PDE10A: variants seen among roughly 807,000 people sequenced by gnomAD.
The protein encoded by PDE10A is phosphodiesterase 10A, also known as cAMP and cAMP-inhibited cGMP 3',5'-cyclic phosphodiesterase 10A.
In PDE10A, 39 loss-of-function variants were observed where a neutral mutation model predicts 97.7. The observed-to-expected ratio is 0.40, with a 90% CI of 0.31 to 0.52. The LOEUF is 0.52. PDE10A is among the 20% of genes least tolerant of loss of function. The probability of loss-of-function intolerance (pLI) is 0.56; values close to 1 mark genes in which losing one functional copy is unlikely to be tolerated. For missense variants in PDE10A, 731 were observed against 1,047.8 expected (o/e 0.70, Z 4.17); for synonymous variants, 371 against 376.8 (o/e 0.98, Z 0.18).
At chr6:165,352,376 G>A (rs487489) in intron 18 of PDE10A, among the ~76,000 whole-genome samples, 70,700 of 151,826 alleles carry the variant, frequency 0.47, 17,302 homozygotes, top group African/African-American at 0.63. Context: ...CTGTGTTTTA[G>A]TATTAATTTT....
intron 1 of PDE10A, among the ~76,000 whole-genome samples, chr6:165,637,787 G>A (rs1056760277): frequency 6.6e-6 from 1 of 152,178 alleles, no homozygotes; most frequent in African/African-American, 2.4e-5. Context: ...AAGACTTTAC[G>A]GAGCTATCAC....
intron 1 of PDE10A, among the ~76,000 whole-genome samples, chr6:165,839,896 T>TCCTCATCCCCATCCTCTCTCCAATTCA (rs1562762551): frequency 6.6e-6 from 1 of 151,390 alleles, no homozygotes; most frequent in Admixed American, 6.6e-5. Context: ...TCCATCCCCA[T>TCCTCATCCCCATCCTCTCTCCAATTCA]TCCCATCTCC....
At chr6:165,386,852 A>T (rs1274674998) in intron 17 of PDE10A, among the ~76,000 whole-genome samples, 5 of 114,518 alleles carry the variant, frequency 4.4e-5, no homozygotes, top group African/African-American at 1.6e-4. Flanking sequence ...AAAAAAAAAA[A>T]TACAAAAAAA....
chr6:165,975,723 A>G (rs974803136), intron 1 of PDE10A, among the ~76,000 whole-genome samples: 10 of 152,262 alleles, frequency 6.6e-5, no homozygotes, highest in African/African-American at 2.4e-4. Flanking sequence ...CTGAGACACC[A>G]TGTGTCCAGC....
At position 165,525,344 on chromosome 6, in the gene PDE10A, G is replaced by A. The variant is rs562030966; in HGVS notation, c.994+18096C>T. Among the ~76,000 whole-genome samples the A allele has an allele frequency of 2.0e-5, 3 of 152,252 alleles. No homozygotes were observed. In the South Asian group the frequency reaches 6.2e-4, roughly 32 times the overall value. ...AAGTAGGGAGTCTATTTTTAATGTT[G>A]CAGCTCGGGGAGTTAAAAAAGGTCC... On this transcript the variant is annotated intron_variant, in intron 2 of 21. Transcript: ENST00000539869.
At chr6:165,381,347 G>C (rs1784910091) in intron 17 of PDE10A, among the ~76,000 whole-genome samples, 1 of 152,092 alleles carries the variant, frequency 6.6e-6, no homozygotes. Context: ...TTACTTTTCA[G>C]TATTAAAGGA....
At chr6:165,874,163 C>A (rs1391269338) in intron 1 of PDE10A, among the ~76,000 whole-genome samples, 1 of 152,200 alleles carries the variant, frequency 6.6e-6, no homozygotes, top group Non-Finnish European at 1.5e-5. Flanking sequence ...AATTGTAGCA[C>A]TAATTACAGC....
chr6:165,419,077 T>C (rs986021084), intron 10 of PDE10A, among the ~76,000 whole-genome samples: 3 of 152,148 alleles, frequency 2.0e-5, no homozygotes. Context: ...ACTTCTGTTT[T>C]AGTTGGTAAG....
chr6:165,578,365 T>C (rs936835990), intron 1 of PDE10A, among the ~76,000 whole-genome samples: 6 of 152,156 alleles, frequency 3.9e-5, no homozygotes, highest in East Asian at 1.9e-4. Context: ...AGAAGCACTG[T>C]TGACTGTTAC....
chr6:165,398,968 T>C (rs1030757502), intron 13 of PDE10A, among the ~76,000 whole-genome samples: 1 of 152,140 alleles, frequency 6.6e-6, no homozygotes, highest in Non-Finnish European at 1.5e-5. Flanking sequence ...AGAGTAAAAT[T>C]AAAATGATGG....
At chr6:165,817,382 G>A (rs1163912918) in intron 1 of PDE10A, among the ~76,000 whole-genome samples, 4 of 152,048 alleles carry the variant, frequency 2.6e-5, no homozygotes, top group African/African-American at 7.3e-5. Context: ...CCGCAGGGTC[G>A]GGGAGGACAG....
chr6:165,735,415 T>A (rs1213619784), intron 1 of PDE10A, among the ~76,000 whole-genome samples: 1 of 151,684 alleles, frequency 6.6e-6, no homozygotes, highest in Admixed American at 6.6e-5. Context: ...GGTACATAGG[T>A]AGATAGGTAG....
chr6:165,828,491 C>G (rs1394601327), intron 1 of PDE10A, among the ~76,000 whole-genome samples: 3 of 152,182 alleles, frequency 2.0e-5, no homozygotes, highest in Non-Finnish European at 4.4e-5. Flanking sequence ...CATACATACA[C>G]ACATGAACTT....
chr6:165,901,880 C>CT (rs11372426), intron 1 of PDE10A, among the ~76,000 whole-genome samples: 107,308 of 152,022 alleles, frequency 0.71, 38,364 homozygotes, highest in East Asian at 0.94. Flanking sequence ...AAGCCCAGCC[C>CT]GTCACATAAA....
At chr6:165,631,551 C>G (rs1788629273) in intron 1 of PDE10A, among the ~76,000 whole-genome samples, 1 of 152,204 alleles carries the variant, frequency 6.6e-6, no homozygotes, top group Non-Finnish European at 1.5e-5. Context: ...GCTAAGTTAT[C>G]TACATTACTA....
intron 1 of PDE10A, among the ~76,000 whole-genome samples, chr6:165,839,917 C>A (rs1369334745): frequency 1.0e-4 from 3 of 28,908 alleles, no homozygotes; most frequent in African/African-American, 3.4e-4. Context: ...AACTCCATCC[C>A]CAACCTCATC....
intron 1 of PDE10A, among the ~76,000 whole-genome samples, chr6:165,822,017 G>A (rs1779586553): frequency 1.3e-5 from 2 of 152,214 alleles, no homozygotes; most frequent in African/African-American, 4.8e-5. Flanking sequence ...AGGGCAACTT[G>A]AAGACTGACA....
chr6:165,357,543 A>C (rs1783102899), intron 18 of PDE10A, among the ~76,000 whole-genome samples: 1 of 152,040 alleles, frequency 6.6e-6, no homozygotes, highest in Non-Finnish European at 1.5e-5. Flanking sequence ...TGTTTGTTTT[A>C]AGATTAGATT....
At chr6:165,731,616 G>T (rs1792439316) in intron 1 of PDE10A, among the ~76,000 whole-genome samples, 1 of 152,168 alleles carries the variant, frequency 6.6e-6, no homozygotes, top group Non-Finnish European at 1.5e-5. Context: ...CTTCTGAGTG[G>T]CCACGGGCTA....
Sources: allele counts gnomAD v4.1 joint callset (sites outside exome capture counted in the v4.1 genomes callset), GRCh38; gene constraint gnomAD v4.1.1; transcripts MANE v1.5; gene names NCBI Gene and HGNC (gene_info 2026-07-23, HGNC 2026-07-21).